The following SGIP1 variants were observed in gnomAD, a reference collection of about 807,000 sequenced individuals.
SGIP1 encodes SH3GL interacting endocytic adaptor 1, also known as SH3-containing GRB2-like protein 3-interacting protein 1.
A neutral mutation model predicts 107.5 loss-of-function variants in SGIP1; 38 were observed. The observed-to-expected ratio is 0.35, with a 90% CI of 0.27 to 0.46. The LOEUF is 0.46. Among genes scored for constraint, SGIP1 ranks in the 20% least tolerant of loss-of-function variants. The pLI is 1.00. For synonymous variants in SGIP1, 365 were observed against 366.1 expected, an observed-to-expected ratio of 1.00 and a Z score of 0.03; for missense variants, 929 against 1,019.5, an observed-to-expected ratio of 0.91 and a Z score of 1.21.
At chr1:66,691,803 T>G (rs957606649) in intron 17 of SGIP1, among the ~76,000 whole-genome samples, 1 of 152,164 alleles carries the variant, frequency 6.6e-6, no homozygotes, top group African/African-American at 2.4e-5. Flanking sequence ...CCAAGTGACC[T>G]CAGATAAACC....
At chr1:66,708,717 C>T (rs2092698594) in intron 18 of SGIP1, among the ~76,000 whole-genome samples, 1 of 151,976 alleles carries the variant, frequency 6.6e-6, no homozygotes, top group South Asian at 2.1e-4. Flanking sequence ...AAATTCTCTA[C>T]AAAACATGAA....
intron 1 of SGIP1, among the ~76,000 whole-genome samples, chr1:66,591,422 T>C (rs183922740): frequency 1.3e-5 from 2 of 152,336 alleles, no homozygotes; most frequent in Admixed American, 6.5e-5. Flanking sequence ...CCAGTCCTGC[T>C]TACTGTATTT....
chr1:66,627,904 C>T (rs1051132033), intron 2 of SGIP1, among the ~76,000 whole-genome samples: 11 of 148,768 alleles, frequency 7.4e-5, no homozygotes, highest in Non-Finnish European at 1.6e-4. Flanking sequence ...CCCCCTCCCC[C>T]ACCCCACAAC....
At chr1:66,737,251 T>C (rs1035390170) in intron 21 of SGIP1, among the ~76,000 whole-genome samples, 2 of 152,204 alleles carry the variant, frequency 1.3e-5, no homozygotes, top group Admixed American at 6.5e-5. Flanking sequence ...TCTAATTATA[T>C]ACACTGCATG....
At chr1:66,671,726 A>T (rs942954999) in intron 10 of SGIP1, among the ~76,000 whole-genome samples, 2 of 152,218 alleles carry the variant, frequency 1.3e-5, no homozygotes, top group Non-Finnish European at 2.9e-5. Context: ...GAAGTTCCTT[A>T]GTTAATGAGG....
chr1:66,660,739 C>T (rs914078303), intron 8 of SGIP1, among the ~76,000 whole-genome samples: 9 of 152,070 alleles, frequency 5.9e-5, no homozygotes, highest in Non-Finnish European at 1.3e-4. Flanking sequence ...TATTAAGGGC[C>T]CTGGGGTAAT....
At chr1:66,622,336 AG>A (rs1279351616) in intron 1 of SGIP1, among the ~76,000 whole-genome samples, 1 of 152,220 alleles carries the variant, frequency 6.6e-6, no homozygotes. Context: ...ATACGCATCC[AG>A]GGCCTGGGCA....
At chr1:66,719,209 T>C (rs2093401302) in intron 18 of SGIP1, 85 bp from the exon 19 acceptor site, 1 of 867,806 alleles carries the variant, frequency 1.2e-6, no homozygotes, top group African/African-American at 1.7e-5. Context: ...ATTTTATTCC[T>C]TAATCCTTTA....
At chr1:66,700,922 A>AG (rs146217827) in intron 18 of SGIP1, among the ~76,000 whole-genome samples, 2,948 of 152,222 alleles carry the variant, frequency 0.019, 90 homozygotes, top group African/African-American at 0.067. Context: ...GACCCCAGAG[A>AG]GGAAAAATAC....
chr1:66,671,436 T>C (rs2083775636), intron 10 of SGIP1, among the ~76,000 whole-genome samples: 1 of 152,160 alleles, frequency 6.6e-6, no homozygotes, highest in South Asian at 2.1e-4. Context: ...TGATGCGATA[T>C]AGGTTATAAT....
At chr1:66,629,979 A>G (rs900363690) in intron 2 of SGIP1, among the ~76,000 whole-genome samples, 1 of 152,212 alleles carries the variant, frequency 6.6e-6, no homozygotes, top group Admixed American at 6.5e-5. Flanking sequence ...AGAAACTGAG[A>G]AACAAAGGGG....
At chr1:66,741,803 T>C (rs2094453838) in intron 24 of SGIP1, among the ~76,000 whole-genome samples, 1 of 152,026 alleles carries the variant, frequency 6.6e-6, no homozygotes, top group Non-Finnish European at 1.5e-5. Flanking sequence ...AGTCTCTCTC[T>C]ATTGCCCAGG....
chr1:66,671,904 TA>T, intron 10 of SGIP1, 39 bp from the exon 11 acceptor site: 1 of 1,601,108 alleles, frequency 6.2e-7, no homozygotes, highest in Non-Finnish European at 8.6e-7. Context: ...CAGGGAATGG[TA>T]AAAATTTGTC....
In SGIP1 at chr1:66,567,358, T is replaced by A. The variant is rs180972744; in HGVS notation, c.10+32990T>A. Among the ~76,000 whole-genome samples the A allele has an allele frequency of 2.1e-3, 326 of 152,100 alleles. 2 individuals are homozygous for A. The highest frequency in any genetic ancestry group is 7.6e-3 in the African/African-American group (316 of 41,554). ...TGCCCACTTTTTGATGGGGTTGTTT[T>A]TTTCTTGTAAATTTGTTTAAGTTCC... On this transcript the variant is annotated intron_variant, in intron 1 of 24. Transcript: ENST00000371037.
intron 1 of SGIP1, among the ~76,000 whole-genome samples, chr1:66,549,653 A>G (rs963244761): frequency 3.3e-5 from 5 of 152,140 alleles, no homozygotes; most frequent in Admixed American, 3.3e-4. Context: ...ATGCTTGTGC[A>G]TATCCTTGAG....
chr1:66,624,851 ACATGTGAG>A (rs554102039), intron 1 of SGIP1, among the ~76,000 whole-genome samples: 35,732 of 152,140 alleles, frequency 0.23, 4,929 homozygotes, highest in African/African-American at 0.38. Context: ...TAACTATGGA[ACATGTGAG>A]GGATGGGAAA....
At chr1:66,677,129 A>G (rs1377008657) in intron 13 of SGIP1, 33 bp downstream of exon 13, 2 of 1,552,546 alleles carry the variant, frequency 1.3e-6, no homozygotes, top group South Asian at 2.3e-5. Flanking sequence ...CTGGAAAAAT[A>G]AGTGACTCAT....
intron 22 of SGIP1, 91 bp from the exon 23 acceptor site, chr1:66,740,567 A>T (rs2094417306): frequency 2.6e-6 from 2 of 782,236 alleles, no homozygotes; most frequent in Admixed American, 2.7e-5. Context: ...GCTCTATTTT[A>T]AAAAATTAAT....
At chr1:66,718,430 T>C (rs1053401141) in intron 18 of SGIP1, among the ~76,000 whole-genome samples, 3 of 152,126 alleles carry the variant, frequency 2.0e-5, no homozygotes, top group African/African-American at 7.2e-5. Flanking sequence ...GGGAAAAACA[T>C]GAGTTTTATA....
Sources: allele counts gnomAD v4.1 joint callset (sites outside exome capture counted in the v4.1 genomes callset), GRCh38; gene constraint gnomAD v4.1.1; transcripts MANE v1.5; gene names NCBI Gene and HGNC (gene_info 2026-07-23, HGNC 2026-07-21).